Variants in ARMC3 observed in about 807,000 individuals in gnomAD.
ARMC3 encodes the protein armadillo repeat-containing protein 3.
ARMC3 carries 74 observed loss-of-function variants against 90.3 expected under a neutral mutation model. The ratio of observed to expected loss-of-function variants is 0.82; its 90% CI spans 0.68 to 0.99. The LOEUF is 0.99. Ranked by LOEUF, ARMC3 falls within the 50% of genes least tolerant of loss-of-function variation. ARMC3 has a pLI of 0.00. For missense variants in ARMC3, 958 were observed against 1,042.8 expected, an observed-to-expected ratio of 0.92 and a Z score of 1.12; for synonymous variants, 334 against 361.8, an observed-to-expected ratio of 0.92 and a Z score of 0.87.
chr10:22,950,404 C>A (rs1834699742), intron 3 of ARMC3, among the ~76,000 whole-genome samples: 1 of 151,964 alleles, frequency 6.6e-6, no homozygotes, highest in South Asian at 2.1e-4. Context: ...TGGCATAATA[C>A]CACTTCAAAG....
At position 22,984,636 on chromosome 10, in the gene ARMC3, CATAA is replaced by C. The variant is rs1836333744; in HGVS notation, c.1175+2945_1175+2948del. 2.0e-5 allele frequency among the ~76,000 whole-genome samples: 3 copies of C among 152,090 alleles called. No individual in the cohort carries two copies. In the South Asian group the frequency reaches 6.2e-4, roughly 32 times the overall value. ...GATGATGAGCAATTTTAGTAGCAAT[CATAA>C]ATAAATAATCAGACCATTCATAGCC... On this transcript the variant is annotated intron_variant, in intron 10 of 18. Coordinates refer to ENST00000298032, the MANE Select transcript of ARMC3 (RefSeq NM_173081.5).
rs187037580 is a variant in ARMC3 at position 22,980,041 on chromosome 10, G to A, written c.917-1299G>A. ...AAAGGACGATTTTTTTTGAGTCATCGTTGAAGGAAGGGAGAAATCATAACT... is the reference window on the plus strand; with the variant it reads ...AAAGGACGATTTTTTTTGAGTCATCATTGAAGGAAGGGAGAAATCATAACT... On this transcript the variant is annotated intron_variant, in intron 8 of 18. Transcript: ENST00000298032. Among the ~76,000 whole-genome samples the A allele has an allele frequency of 1.6e-4, 24 of 152,202 alleles. No individual in the cohort carries two copies. In the East Asian group the frequency reaches 3.1e-3, roughly 20 times the overall value.
intron 10 of ARMC3, among the ~76,000 whole-genome samples, chr10:22,993,709 G>A (rs572237531): frequency 1.2e-4 from 18 of 152,312 alleles, no homozygotes; most frequent in African/African-American, 4.1e-4. Context: ...AAGGAGGGCC[G>A]TGATGGTCAC....
chr10:22,935,697 T>C (rs888894024), intron 2 of ARMC3, among the ~76,000 whole-genome samples: 1 of 152,226 alleles, frequency 6.6e-6, no homozygotes, highest in Non-Finnish European at 1.5e-5. Flanking sequence ...TATAAATTCA[T>C]AAACAATATA....
At chr10:23,029,858 G>A (rs1164530397) in intron 16 of ARMC3, among the ~76,000 whole-genome samples, 1 of 151,600 alleles carries the variant, frequency 6.6e-6, no homozygotes, top group East Asian at 1.9e-4. Flanking sequence ...TTCTCATTTT[G>A]TAGGTTTTTT....
chr10:23,004,987 T>A (rs1206580477), intron 13 of ARMC3, among the ~76,000 whole-genome samples: 1 of 75,514 alleles, frequency 1.3e-5, no homozygotes. Flanking sequence ...GAGGCCGAGG[T>A]GGGCGGATCA....
At chr10:23,020,557 C>T (rs1345131242) in intron 16 of ARMC3, among the ~76,000 whole-genome samples, 1 of 152,198 alleles carries the variant, frequency 6.6e-6, no homozygotes, top group Non-Finnish European at 1.5e-5. Context: ...TTTGCTTTCT[C>T]ACTGGCAATG....
At chr10:22,939,943 C>T (rs2131158272) in intron 2 of ARMC3, among the ~76,000 whole-genome samples, 1 of 152,240 alleles carries the variant, frequency 6.6e-6, no homozygotes, top group Non-Finnish European at 1.5e-5. Context: ...TATCAACAAC[C>T]ACATTGGATA....
At chr10:23,020,630 C>G (rs2131535320) in intron 16 of ARMC3, among the ~76,000 whole-genome samples, 1 of 152,274 alleles carries the variant, frequency 6.6e-6, no homozygotes, top group Non-Finnish European at 1.5e-5. Context: ...TTTATTTATC[C>G]ATTCTAATAT....
chr10:22,994,270 G>A (rs1039473858), intron 10 of ARMC3, among the ~76,000 whole-genome samples: 2 of 152,218 alleles, frequency 1.3e-5, no homozygotes, highest in Middle Eastern at 3.4e-3. Context: ...GTGGGAAAGA[G>A]CCTGGCATAT....
chr10:22,946,256 T>C lies in ARMC3; in HGVS notation c.161T>C (p.Leu54Ser). 1.3e-6 allele frequency: 2 copies of C among 1,595,778 alleles called. No individual in the cohort carries two copies. The highest frequency in any genetic ancestry group is 1.1e-5 in the South Asian group (1 of 88,768). ...KACEAIYKFA[L>S]KGEENKTTLL... ...TGTGAAGCCATTTATAAATTTGCTT[T>C]AAAAGGTTTGGATTTTTTTCAGTTT... The change falls in exon 3 of 19, where the codon TTA becomes TCA. Residue 54 changes from leucine to serine, a missense_variant. Coordinates refer to ENST00000298032, the MANE Select transcript of ARMC3 (RefSeq NM_173081.5).
At chr10:23,007,480 G>A (rs1328555816) in intron 14 of ARMC3, among the ~76,000 whole-genome samples, 1 of 152,150 alleles carries the variant, frequency 6.6e-6, no homozygotes, top group Non-Finnish European at 1.5e-5. Flanking sequence ...GCCGAGGCGG[G>A]CAGATCACGA....
chr10:23,001,316 G>A (rs1299170031), intron 11 of ARMC3, among the ~76,000 whole-genome samples: 1 of 152,220 alleles, frequency 6.6e-6, no homozygotes, highest in East Asian at 1.9e-4. Context: ...TGCCCTTTCA[G>A]CTTCCAGGGG....
intron 13 of ARMC3, among the ~76,000 whole-genome samples, chr10:23,004,213 T>G (rs1434989739): frequency 1.3e-5 from 2 of 152,094 alleles, no homozygotes; most frequent in Non-Finnish European, 2.9e-5. Flanking sequence ...AGCTAGAAAT[T>G]AAAATATTAA....
In ARMC3 at chr10:23,003,323, T is replaced by C; in HGVS notation, c.1640T>C (p.Leu547Ser). Residue 547 changes from leucine to serine, a missense_variant, in exon 13 of 19, where the codon TTG (leucine) becomes TCG (serine). Transcript: ENST00000298032. The part of the protein sequence containing the change: ...NKFSEAAYNK[L>S]LNNNLSLKYS... ...TTCAGTGAGGCAGCTTATAATAAGT[T>C]GCTCAATAACAATCTTTCCCTGAAA... 1 of 1,613,776 alleles carries C rather than the reference T, an allele frequency of 6.2e-7. No homozygotes were observed. Among genetic ancestry groups the C allele is most frequent in the Non-Finnish European group, 8.5e-7 (1 of 1,179,838 alleles).
chr10:22,951,462 T>C (rs1167141570), intron 3 of ARMC3, among the ~76,000 whole-genome samples: 1 of 152,116 alleles, frequency 6.6e-6, no homozygotes, highest in Non-Finnish European at 1.5e-5. Context: ...CAGTAGAGTA[T>C]ACATTTTTTT....
At chr10:22,956,726 TA>T (rs1473521634) in intron 4 of ARMC3, among the ~76,000 whole-genome samples, 4 of 147,962 alleles carry the variant, frequency 2.7e-5, no homozygotes, top group African/African-American at 9.8e-5. Context: ...CATGTGTACA[TA>T]ATTAACATTA....
chr10:22,975,145 A>G (rs1588868461), intron 8 of ARMC3, among the ~76,000 whole-genome samples: 1 of 152,210 alleles, frequency 6.6e-6, no homozygotes, highest in Non-Finnish European at 1.5e-5. Flanking sequence ...GGTATATCCA[A>G]TAGTGATATG....
rs1471330916 is a variant in ARMC3, at chr10:23,006,920, C to T, written c.1768C>T (p.Leu590Phe). Residue 590 changes from leucine to phenylalanine, a missense_variant, in exon 14 of 19, where the codon CTC (leucine) becomes TTC (phenylalanine). Physicochemically the swap from Leu to Phe is conservative, Grantham distance 22. Coordinates refer to ENST00000298032, the MANE Select transcript of ARMC3 (RefSeq NM_173081.5). ...CACCAAACTGTTGCCTTTGAAGGAG[C>T]TCTGCTTACAAGAACCAAGTGACCT... ...PGTKLLPLKE[L>F]CLQEPSDLRA... is the part of the protein sequence containing the mutation. 2 of 1,613,984 alleles carry T rather than the reference C, an allele frequency of 1.2e-6. No homozygotes were observed. The highest frequency in any genetic ancestry group is 3.3e-5 in the Admixed American group (2 of 60,004).
Sources: allele counts gnomAD v4.1 joint callset (sites outside exome capture counted in the v4.1 genomes callset), GRCh38; gene constraint gnomAD v4.1.1; transcripts MANE v1.5; gene names NCBI Gene and HGNC (gene_info 2026-07-23, HGNC 2026-07-21).